The following APBB2 variants were observed in gnomAD, a reference collection of about 807,000 sequenced individuals.
The protein encoded by APBB2 is amyloid beta precursor protein binding family B member 2.
APBB2 carries 38 observed loss-of-function variants against 82.5 expected under a neutral mutation model. The ratio of observed to expected loss-of-function variants is 0.46; its 90% confidence interval spans 0.36 to 0.60. The LOEUF (loss-of-function observed/expected upper bound fraction) is 0.60. Ranked by LOEUF, APBB2 falls within the 20% of genes least tolerant of loss-of-function variation. The pLI is 0.00. For missense variants in APBB2, 772 were observed against 972.3 expected, an observed-to-expected ratio of 0.79 and a Z score of 2.74; for synonymous variants, 341 against 368.2, an observed-to-expected ratio of 0.93 and a Z score of 0.85.
At chr4:41,128,605 G>A (rs1164111447) in intron 2 of APBB2, among the ~76,000 whole-genome samples, 10 of 152,218 alleles carry the variant, frequency 6.6e-5, no homozygotes, top group East Asian at 3.9e-4. Flanking sequence ...ATTCAACTAC[G>A]TTATTCATTA....
intron 5 of APBB2, among the ~76,000 whole-genome samples, chr4:41,021,469 TGTGTCTAGCTA>T (rs1345371016): frequency 2.6e-5 from 4 of 152,152 alleles, no homozygotes; most frequent in Non-Finnish European, 5.9e-5. Context: ...ATCAGCACTC[TGTGTCTAGCTA>T]AAGGATTGTA....
At chr4:40,974,015 C>T (rs1283759345) in intron 6 of APBB2, among the ~76,000 whole-genome samples, 1 of 151,986 alleles carries the variant, frequency 6.6e-6, no homozygotes, top group Non-Finnish European at 1.5e-5. Context: ...CCACACCTGG[C>T]TAATTTTTTT....
chr4:41,109,571 C>A (rs768089639), intron 2 of APBB2, among the ~76,000 whole-genome samples: 307 of 152,136 alleles, frequency 2.0e-3, no homozygotes, highest in Non-Finnish European at 3.9e-3. Context: ...CCTAGGTTCA[C>A]GCCATTCTCC....
intron 2 of APBB2, among the ~76,000 whole-genome samples, chr4:41,136,428 T>A (rs1757578740): frequency 6.6e-6 from 1 of 152,188 alleles, no homozygotes; most frequent in Admixed American, 6.5e-5. Context: ...TGACTTTAAA[T>A]GAACAATAAA....
chr4:41,157,879 C>T (rs184375237), intron 1 of APBB2, among the ~76,000 whole-genome samples: 1 of 152,248 alleles, frequency 6.6e-6, no homozygotes, highest in African/African-American at 2.4e-5. Context: ...ATAATCTCAG[C>T]TACTCAGGAG....
intron 6 of APBB2, among the ~76,000 whole-genome samples, chr4:40,976,647 AT>A (rs993486077): frequency 2.0e-5 from 3 of 152,170 alleles, no homozygotes; most frequent in African/African-American, 7.2e-5. Flanking sequence ...TGAACTTCCT[AT>A]GTGAGGGTCA....
At chr4:41,149,089 T>C (rs1560882754) in intron 1 of APBB2, among the ~76,000 whole-genome samples, 1 of 152,144 alleles carries the variant, frequency 6.6e-6, no homozygotes, top group Non-Finnish European at 1.5e-5. Flanking sequence ...ACTACCACCA[T>C]ATGAAGGGCG....
At position 40,930,420 on chromosome 4, in the gene APBB2, A is replaced by AGTGT. The variant is rs566261600; in HGVS notation, c.1254+4032_1254+4035dup. Among the ~76,000 whole-genome samples, 758 of 145,848 alleles carry AGTGT rather than the reference A, an allele frequency of 5.2e-3. 4 individuals carry two copies. Among genetic ancestry groups the AGTGT allele is most frequent in the East Asian group, 0.027 (133 of 4,854 alleles). ...AGAAAAAGACTTTGCTCTTTGGGGA[A>AGTGT]GTGTGTGTGTGTGTGTGTGTGTGTG... On this transcript the variant is annotated intron_variant, in intron 10 of 17. Transcript: ENST00000508593.
At chr4:40,883,575 G>A (rs1769312773) in intron 12 of APBB2, among the ~76,000 whole-genome samples, 1 of 152,002 alleles carries the variant, frequency 6.6e-6, no homozygotes, top group South Asian at 2.1e-4. Flanking sequence ...CAACAAGAGT[G>A]AAACTCAATC....
At chr4:40,987,938 T>C (rs2154407806) in intron 6 of APBB2, among the ~76,000 whole-genome samples, 1 of 152,322 alleles carries the variant, frequency 6.6e-6, no homozygotes, top group South Asian at 2.1e-4. Context: ...TCCACCATAT[T>C]AAAATGAGAT....
At chr4:41,183,189 A>T (rs2342428) in intron 1 of APBB2, among the ~76,000 whole-genome samples, 46,219 of 151,750 alleles carry the variant, frequency 0.3, 7,146 homozygotes, top group African/African-American at 0.35. Context: ...TGTCCACACC[A>T]CCGCCCTCTC....
intron 6 of APBB2, among the ~76,000 whole-genome samples, chr4:40,954,730 C>T (rs1427922543): frequency 1.3e-5 from 2 of 152,208 alleles, no homozygotes; most frequent in African/African-American, 4.8e-5. Flanking sequence ...GTGGCACGAT[C>T]TTGGCTCAGT....
chr4:40,823,800 C>T, intron 15 of APBB2, 41 bp from the exon 16 acceptor site: 1 of 1,374,398 alleles, frequency 7.3e-7, no homozygotes, highest in Non-Finnish European at 1.0e-6. Flanking sequence ...CCTAAAGCCA[C>T]TTACCACACT....
rs60135616 is a variant in APBB2 at position 40,863,891 on chromosome 4, C to CAAAAAAAAAA, written c.1529+26463_1529+26472dup. Among the ~76,000 whole-genome samples, 12 of 33,000 alleles carry CAAAAAAAAAA rather than the reference C, an allele frequency of 3.6e-4. 2 individuals are homozygous for CAAAAAAAAAA. The highest frequency in any genetic ancestry group is 4.9e-4 in the Non-Finnish European group (9 of 18,252). 21.6% of individuals were successfully genotyped at this position (33,000 alleles called of 152,430 possible). A position where few individuals can be genotyped will look rare whatever the true frequency, so the allele number is the denominator to read the frequency against. On this transcript the variant is annotated intron_variant, in intron 12 of 17. Transcript: ENST00000508593. ...CCTGGGTGACAGAGGGAGACTGTCT[C>CAAAAAAAAAA]AAAAAAAAAAAAAAAAAAAAAAAAA...
intron 1 of APBB2, among the ~76,000 whole-genome samples, chr4:41,172,163 A>C (rs1768459977): frequency 6.6e-6 from 1 of 152,068 alleles, no homozygotes; most frequent in Admixed American, 6.6e-5. Flanking sequence ...AAAGACCAAA[A>C]TCCTGGTCAC....
intron 2 of APBB2, among the ~76,000 whole-genome samples, chr4:41,124,032 G>A (rs1299727062): frequency 6.6e-6 from 1 of 152,110 alleles, no homozygotes; most frequent in African/African-American, 2.4e-5. Flanking sequence ...AAGCTGTGCT[G>A]CCTCAGCAGG....
At chr4:41,047,971 T>C (rs1724053022) in intron 4 of APBB2, among the ~76,000 whole-genome samples, 1 of 152,252 alleles carries the variant, frequency 6.6e-6, no homozygotes, top group Non-Finnish European at 1.5e-5. Context: ...TCTTTTAAGT[T>C]TTTGTGATAT....
chr4:40,831,918 C>T (rs982305830), intron 12 of APBB2, among the ~76,000 whole-genome samples: 7 of 151,808 alleles, frequency 4.6e-5, no homozygotes, highest in Non-Finnish European at 7.4e-5. Flanking sequence ...AAGAACCATG[C>T]GATACGACTG....
intron 12 of APBB2, among the ~76,000 whole-genome samples, chr4:40,851,102 CAAAAA>C (rs1298229960): frequency 1.2e-4 from 18 of 151,530 alleles, no homozygotes; most frequent in Admixed American, 1.2e-3. Context: ...GCAAGGCTGT[CAAAAA>C]AAACAATGAA....
Sources: gnomAD v4.1 joint callset for allele counts (sites outside exome capture counted in the v4.1 genomes callset) on GRCh38, gnomAD v4.1.1 for gene constraint, MANE v1.5 for transcripts, NCBI Gene and HGNC (gene_info 2026-07-23, HGNC 2026-07-21) for gene names.